PRKG1: variants seen among roughly 807,000 people sequenced by gnomAD.
The protein encoded by PRKG1 is cGMP-dependent protein kinase 1.
A neutral mutation model predicts 88.1 loss-of-function variants in PRKG1; 35 were observed. That is an observed-to-expected ratio of 0.40 (90% confidence interval 0.30 to 0.53). The LOEUF is 0.53. PRKG1 is among the 20% of genes least tolerant of loss of function. The pLI is 0.59. For missense variants in PRKG1, 540 were observed against 839.8 expected (o/e 0.64, Z 4.41); for synonymous variants, 303 against 292.5 (o/e 1.04, Z -0.37).
At chr10:51,093,774 C>A (rs1844455475) in intron 1 of PRKG1, among the ~76,000 whole-genome samples, 2 of 133,958 alleles carry the variant, frequency 1.5e-5, no homozygotes, top group African/African-American at 5.7e-5. Context: ...TATACATATA[C>A]ATATATATGT....
chr10:51,695,240 A>G (rs1414922404), intron 3 of PRKG1, among the ~76,000 whole-genome samples: 3 of 152,204 alleles, frequency 2.0e-5, no homozygotes, highest in Admixed American at 6.5e-5. Context: ...TCTGGGGAAC[A>G]TAAGCTTAAT....
In PRKG1 at chr10:52,294,664, A is replaced by G. The variant is rs1371064175; in HGVS notation, c.*764A>G. ...CATGACAGAGTGGGGAAAAAAAGCA[A>G]TTCACAAAACCATTTCATATTTTTT... On this transcript the variant is annotated 3_prime_UTR_variant, in exon 18 of 18. Coordinates refer to ENST00000373980, the MANE Select transcript of PRKG1 (RefSeq NM_006258.4). The G allele has an allele frequency of 6.6e-6, 1 of 152,548 alleles. No individual in the cohort carries two copies. Among genetic ancestry groups the G allele is most frequent in the Non-Finnish European group, 1.5e-5 (1 of 68,006 alleles). The allele number at this position is 152,548 out of a possible 1,614,324, so 9.4% of individuals were successfully genotyped here.
intron 3 of PRKG1, among the ~76,000 whole-genome samples, chr10:51,540,127 C>T (rs1255602953): frequency 6.6e-6 from 1 of 152,118 alleles, no homozygotes; most frequent in Non-Finnish European, 1.5e-5. Flanking sequence ...AAATGTCAGG[C>T]TGAGATACCA....
At chr10:51,374,595 T>G (rs1471652179) in intron 2 of PRKG1, among the ~76,000 whole-genome samples, 1 of 152,108 alleles carries the variant, frequency 6.6e-6, no homozygotes, top group Non-Finnish European at 1.5e-5. Context: ...CCCTTCACCT[T>G]GTATCTTGTG....
intron 3 of PRKG1, among the ~76,000 whole-genome samples, chr10:51,766,287 C>T (rs1838160804): frequency 6.6e-6 from 1 of 152,174 alleles, no homozygotes; most frequent in African/African-American, 2.4e-5. Context: ...GCACACATTT[C>T]TGGTATCTCC....
At chr10:51,205,311 C>G (rs746356105) in intron 2 of PRKG1, among the ~76,000 whole-genome samples, 11 of 148,888 alleles carry the variant, frequency 7.4e-5, no homozygotes, top group Non-Finnish European at 1.2e-4. Context: ...GCTAATTTTT[C>G]CGTTTTTGTG....
intron 2 of PRKG1, among the ~76,000 whole-genome samples, chr10:51,161,081 T>G (rs985558849): frequency 6.6e-6 from 1 of 152,334 alleles, no homozygotes; most frequent in South Asian, 2.1e-4. Context: ...TCTTTATAAA[T>G]TGTCCTTCGG....
rs1025138824 is a variant in PRKG1, at chr10:52,295,940, C to T, written c.*2040C>T. The stretch of plus-strand genomic sequence containing the variant: ...AATTTCTCCAAATTGGTCTATTCCC[C>T]AAGATATCCACTGTTTTCTACAGAT... On this transcript the variant is annotated 3_prime_UTR_variant, in exon 18 of 18. Coordinates refer to ENST00000373980, the MANE Select transcript of PRKG1 (RefSeq NM_006258.4). 7 of 151,828 alleles carry T rather than the reference C, an allele frequency of 4.6e-5. No individual in the cohort carries two copies. Among genetic ancestry groups the T allele is most frequent in the Non-Finnish European group, 1.5e-5 (1 of 67,872 alleles). The allele number at this position is 151,828 out of a possible 1,614,324, so 9.4% of individuals were successfully genotyped here. A position where few individuals can be genotyped will look rare whatever the true frequency, so the allele number is the denominator to read the frequency against.
chr10:51,130,546 T>G (rs962305886), intron 1 of PRKG1, among the ~76,000 whole-genome samples: 2 of 152,172 alleles, frequency 1.3e-5, no homozygotes, highest in African/African-American at 4.8e-5. Flanking sequence ...CTTTAACATA[T>G]TTCAGAAAAA....
intron 2 of PRKG1, among the ~76,000 whole-genome samples, chr10:51,347,699 G>A (rs1047461515): frequency 2.6e-5 from 4 of 151,874 alleles, no homozygotes; most frequent in Admixed American, 1.3e-4. Context: ...TCTTGAAATC[G>A]GTAAACATTC....
At chr10:52,267,847 C>T (rs1271275011) in intron 10 of PRKG1, among the ~76,000 whole-genome samples, 1 of 152,008 alleles carries the variant, frequency 6.6e-6, no homozygotes, top group African/African-American at 2.4e-5. Context: ...CAAGCTCCTC[C>T]TCTTGCTAGA....
intron 4 of PRKG1, among the ~76,000 whole-genome samples, chr10:51,838,471 A>G (rs956445270): frequency 2.0e-5 from 3 of 152,204 alleles, no homozygotes; most frequent in African/African-American, 4.8e-5. Context: ...GTTTTAGCAG[A>G]GTTTCCGAAA....
At chr10:51,118,492 A>T (rs1034398108) in intron 1 of PRKG1, among the ~76,000 whole-genome samples, 5 of 151,962 alleles carry the variant, frequency 3.3e-5, no homozygotes, top group Non-Finnish European at 5.9e-5. Flanking sequence ...AATGATAATA[A>T]CTCTGTTTAT....
chr10:52,165,159 G>A (rs891612178), intron 9 of PRKG1, among the ~76,000 whole-genome samples: 1 of 152,058 alleles, frequency 6.6e-6, no homozygotes, highest in Non-Finnish European at 1.5e-5. Flanking sequence ...AATAAATACT[G>A]GAGGAGTTAT....
At chr10:51,004,245 C>T (rs1163277777) in intron 1 of PRKG1, among the ~76,000 whole-genome samples, 5 of 152,134 alleles carry the variant, frequency 3.3e-5, no homozygotes, top group Admixed American at 1.3e-4. Flanking sequence ...GGGCAGATCA[C>T]CTGAGGCTGG....
chr10:51,478,802 A>T (rs1840274228), intron 3 of PRKG1, among the ~76,000 whole-genome samples: 1 of 152,092 alleles, frequency 6.6e-6, no homozygotes, highest in Admixed American at 6.6e-5. Flanking sequence ...TGGAACCCAA[A>T]ATGTAATACA....
intron 3 of PRKG1, among the ~76,000 whole-genome samples, chr10:51,471,279 G>A (rs1012108767): frequency 6.6e-6 from 1 of 151,624 alleles, no homozygotes; most frequent in Non-Finnish European, 1.5e-5. Context: ...TGTTATAGTT[G>A]GTTTCCACAG....
At chr10:51,853,590 A>G (rs542651548) in intron 4 of PRKG1, among the ~76,000 whole-genome samples, 1 of 152,314 alleles carries the variant, frequency 6.6e-6, no homozygotes, top group South Asian at 2.1e-4. Context: ...TTTAGCAGAC[A>G]GCAGTGTCTT....
chr10:51,176,382 T>G (rs946411699), intron 2 of PRKG1, among the ~76,000 whole-genome samples: 3 of 152,074 alleles, frequency 2.0e-5, no homozygotes, highest in Admixed American at 6.6e-5. Flanking sequence ...GCTGGTTCAG[T>G]CAATTTATTC....
Sources: allele counts gnomAD v4.1 joint callset (sites outside exome capture counted in the v4.1 genomes callset), GRCh38; gene constraint gnomAD v4.1.1; transcripts MANE v1.5; gene names NCBI Gene and HGNC (gene_info 2026-07-23, HGNC 2026-07-21).